AFM: variants seen among roughly 807,000 people sequenced by gnomAD.
AFM encodes alpha-Alb.
AFM carries 82 observed loss-of-function variants against 68.7 expected under a neutral mutation model. That is an observed-to-expected ratio of 1.19 (90% confidence interval 1.00 to 1.43). The LOEUF (loss-of-function observed/expected upper bound fraction) is 1.43. Ranked by LOEUF, AFM falls within the 40% of genes most tolerant of loss-of-function variation. The pLI, the probability that AFM is intolerant of heterozygous loss-of-function variation, is 0.00. For missense variants in AFM, 772 were observed against 701.8 expected (o/e 1.10, Z -1.13); for synonymous variants, 250 against 234.2 (o/e 1.07, Z -0.61).
chr4:73,484,059 C>T, intron 2 of AFM, 70 bp downstream of exon 2: 2 of 1,412,146 alleles, frequency 1.4e-6, no homozygotes, highest in East Asian at 4.9e-5. Flanking sequence ...TAATGCTTCT[C>T]AAAAGTAATT....
At chr4:73,492,230 AGT>A (rs1721093157) in intron 8 of AFM, 144 bp downstream of exon 8, 1 of 689,960 alleles carries the variant, frequency 1.4e-6, no homozygotes, top group African/African-American at 1.8e-5. Flanking sequence ...ATGGCTATAG[AGT>A]GTAGTTTTCA....
intron 9 of AFM, among the ~76,000 whole-genome samples, chr4:73,496,951 A>T (rs1430664410): frequency 6.6e-6 from 1 of 152,100 alleles, no homozygotes. Flanking sequence ...ATGGAATAAG[A>T]CTTGGATCCC....
chr4:73,500,066 G>A lies in AFM; in HGVS notation c.1485G>A (p.Val495=). The A allele has an allele frequency of 6.2e-7, 1 of 1,614,050 alleles. No individual in the cohort carries two copies. The highest frequency in any genetic ancestry group is 8.5e-7 in the Non-Finnish European group (1 of 1,179,958). The change falls in exon 12 of 15, where the codon GTG becomes GTA. Residue 495 remains valine (V), a synonymous_variant. Coordinates refer to ENST00000226355, the MANE Select transcript of AFM (RefSeq NM_001133.2). ...VNENRTINPA[V]DHCCKTNFAF... ...AAAATCGAACTATCAACCCTGCTGT[G>A]GACCACTGCTGTAAAACAAACTTTG...
intron 11 of AFM, among the ~76,000 whole-genome samples, chr4:73,499,655 C>A (rs952955844): frequency 5.9e-5 from 9 of 152,016 alleles, no homozygotes; most frequent in African/African-American, 2.2e-4. Flanking sequence ...TGGAGAGTAC[C>A]TTGAGGCAGA....
intron 7 of AFM, 42 bp from the exon 8 acceptor site, chr4:73,491,830 C>A: frequency 6.4e-7 from 1 of 1,562,716 alleles, no homozygotes; most frequent in Non-Finnish European, 8.8e-7. Flanking sequence ...GAAGAAAACC[C>A]AGCCTGAAAG....
rs767212648 is a variant in AFM, at chr4:73,487,782, G to A, written c.674G>A (p.Gly225Glu). 16 of 1,612,912 alleles carry A rather than the reference G, an allele frequency of 9.9e-6. No homozygotes were observed. The highest frequency in any genetic ancestry group is 1.4e-5 in the Non-Finnish European group (16 of 1,179,266). ...AFSSYQKHVCGALLKFGTKVV... is the reference protein window; with the variant it reads ...AFSSYQKHVCEALLKFGTKVV... Reference sequence around the variant, plus strand: ...TCTTCTTATCAAAAACATGTCTGTGGGGCACTTTTGAAATTTGGAACCAAA... The same window carrying A: ...TCTTCTTATCAAAAACATGTCTGTGAGGCACTTTTGAAATTTGGAACCAAA... Residue 225 changes from glycine to glutamate, a missense_variant, in exon 6 of 15, where the codon GGG (glycine) becomes GAG (glutamate). Gly to Glu is a moderately conservative substitution (Grantham distance 98). Transcript: ENST00000226355.
chr4:73,484,067 A>C (rs1006236927), intron 2 of AFM, 78 bp downstream of exon 2: 2 of 1,395,338 alleles, frequency 1.4e-6, no homozygotes, highest in Admixed American at 5.2e-5. Flanking sequence ...CTCAAAAGTA[A>C]TTTAACTAAA....
At chr4:73,500,350 G>C (rs1233917937) in intron 12 of AFM, 123 bp downstream of exon 12, 2 of 864,324 alleles carry the variant, frequency 2.3e-6, no homozygotes, top group Non-Finnish European at 1.7e-6. Flanking sequence ...CCACCAAATT[G>C]TCCAGTCTCT....
At chr4:73,499,687 C>T (rs1253598513) in intron 11 of AFM, among the ~76,000 whole-genome samples, 1 of 152,126 alleles carries the variant, frequency 6.6e-6, no homozygotes, top group Non-Finnish European at 1.5e-5. Context: ...GAAGAAACCC[C>T]TGTACCACAG....
rs561419239 is a variant in AFM at position 73,484,153 on chromosome 4, A to G, written c.138-105A>G. On this transcript the variant is annotated intron_variant, in intron 2 of 14. Coordinates refer to ENST00000226355, the MANE Select transcript of AFM (RefSeq NM_001133.2). ...AGTTGTAAAATTTATAGCCATTACAATAGATAATTTCCTGAGGCTAGTCAG... is the reference window on the plus strand; with the variant it reads ...AGTTGTAAAATTTATAGCCATTACAGTAGATAATTTCCTGAGGCTAGTCAG... The G allele has an allele frequency of 7.1e-5, 103 of 1,459,136 alleles. 1 individual carries two copies. In the African/African-American group the frequency reaches 9.9e-4, roughly 14 times the overall value. 90.4% of individuals were successfully genotyped at this position (1,459,136 alleles called of 1,614,324 possible). A position where few individuals can be genotyped will look rare whatever the true frequency, so the allele number is the denominator to read the frequency against.
At chr4:73,499,307 G>A (rs1197447706) in intron 11 of AFM, 61 bp downstream of exon 11, 3 of 1,343,666 alleles carry the variant, frequency 2.2e-6, no homozygotes, top group South Asian at 3.7e-5. Flanking sequence ...AAGAATATTT[G>A]CACTCATTGA....
At chr4:73,489,581 C>T (rs946139795) in intron 7 of AFM, among the ~76,000 whole-genome samples, 4 of 152,248 alleles carry the variant, frequency 2.6e-5, no homozygotes, top group South Asian at 2.1e-4. Context: ...CTATGATGTA[C>T]AAGAGATGTC....
rs143844988 is a variant in AFM at position 73,488,757 on chromosome 4, A to T, written c.841A>T (p.Thr281Ser). Residue 281 changes from threonine (T) to serine (S), a missense_variant and splice_region_variant, in exon 7 of 15, where the codon ACG (threonine) becomes TCG (serine). Thr to Ser is a moderately conservative substitution (Grantham distance 58). Transcript: ENST00000226355. Reference sequence around the variant, plus strand: ...GGATGTTGTGCAGTGCATCCGTGACACGGTGAATATTCTCTAAAACCAAGT... The same window carrying T: ...GGATGTTGTGCAGTGCATCCGTGACTCGGTGAATATTCTCTAAAACCAAGT... ...EGDVVQCIRD[T>S]SKVMNHICSK... The T allele has an allele frequency of 7.7e-5, 124 of 1,605,488 alleles. 3 individuals carry two copies. The South Asian group carries it at 8.4e-4, about 11-fold the overall frequency.
rs370376533 is a variant in AFM, at chr4:73,488,722, G to T, written c.806G>T (p.Cys269Phe). Residue 269 changes from cysteine to phenylalanine, a missense_variant, in exon 7 of 15, where the codon TGC becomes TTC. Cys to Phe is a radical substitution (Grantham distance 205). Coordinates refer to ENST00000226355, the MANE Select transcript of AFM (RefSeq NM_001133.2). ...GATGTTTCTTCCAACTATGATGGATGCTGTGAAGGGGATGTTGTGCAGTGC... is the reference window on the plus strand; with the variant it reads ...GATGTTTCTTCCAACTATGATGGATTCTGTGAAGGGGATGTTGTGCAGTGC... ...VEDVSSNYDG[C>F]CEGDVVQCIR... 1.9e-6 allele frequency: 3 copies of T among 1,613,136 alleles called. No homozygotes were observed. Among genetic ancestry groups the T allele is most frequent in the East Asian group, 2.2e-5 (1 of 44,806 alleles).
At chr4:73,498,936 G>T (rs981948654) in intron 10 of AFM, among the ~76,000 whole-genome samples, 178 bp from the exon 11 acceptor site, 1 of 152,294 alleles carries the variant, frequency 6.6e-6, no homozygotes, top group East Asian at 1.9e-4. Context: ...GATATAGGAA[G>T]CAGGGTGCAG....
At chr4:73,482,094 T>A (rs1310424348) in intron 1 of AFM, among the ~76,000 whole-genome samples, 1 of 152,206 alleles carries the variant, frequency 6.6e-6, no homozygotes, top group Non-Finnish European at 1.5e-5. Context: ...TGAAGAATAA[T>A]CAGCAGTCTA....
chr4:73,497,853 T>C (rs930521246), intron 10 of AFM, 104 bp downstream of exon 10: 1 of 605,162 alleles, frequency 1.7e-6, no homozygotes, highest in Non-Finnish European at 2.7e-6. Flanking sequence ...TTATGGCCGA[T>C]TCATAAACTC....
intron 9 of AFM, among the ~76,000 whole-genome samples, chr4:73,495,941 C>T (rs936657961): frequency 6.6e-5 from 10 of 152,162 alleles, no homozygotes; most frequent in Non-Finnish European, 1.3e-4. Flanking sequence ...AGTACATATA[C>T]GTATATATAC....
chr4:73,491,312 T>C (rs1359714093), intron 7 of AFM, among the ~76,000 whole-genome samples: 2 of 152,112 alleles, frequency 1.3e-5, no homozygotes, highest in African/African-American at 4.8e-5. Flanking sequence ...ATGATATCCA[T>C]TAGAAAATGA....
Sources: gnomAD v4.1 joint callset for allele counts (sites outside exome capture counted in the v4.1 genomes callset) on GRCh38, gnomAD v4.1.1 for gene constraint, MANE v1.5 for transcripts, NCBI Gene and HGNC (gene_info 2026-07-23, HGNC 2026-07-21) for gene names.